The following ZC3H4 variants were observed in gnomAD, a reference collection of about 807,000 sequenced individuals.
ZC3H4 encodes the protein zinc finger CCCH-type containing 4.
ZC3H4 carries 13 observed loss-of-function variants against 108.3 expected under a neutral mutation model. The observed-to-expected ratio is 0.12, with a 90% CI of 0.08 to 0.19. ZC3H4 has a LOEUF of 0.19. Ranked by LOEUF, ZC3H4 falls within the 10% of genes least tolerant of loss-of-function variation. The pLI is 1.00. For missense variants in ZC3H4, 1,734 were observed against 1,838.8 expected (o/e 0.94, Z 1.04); for synonymous variants, 917 against 749.6 (o/e 1.22, Z -3.65).
intron 3 of ZC3H4, 51 bp from the exon 4 acceptor site, chr19:47,094,131 C>T (rs573277749): frequency 2.6e-5 from 40 of 1,559,334 alleles, no homozygotes; most frequent in East Asian, 4.5e-5. Context: ...GCAGGCCACT[C>T]GGGCACAGTC....
Position 47,066,081 on chromosome 19 carries a change from C to T in ZC3H4, c.*275G>A, listed in dbSNP as rs558510371. On this transcript the variant is annotated 3_prime_UTR_variant, in exon 15 of 15. Transcript: ENST00000253048. ...CACAGAGTCTGAGGCCAGGCACTGG[C>T]GAAAGTTCACAGGTTTGCGGGCATG... The T allele has an allele frequency of 6.3e-5, 20 of 316,518 alleles. No homozygotes were observed. Among genetic ancestry groups the T allele is most frequent in the East Asian group, 1.0e-4 (2 of 19,194 alleles). The allele number at this position is 316,518 out of a possible 1,614,324, so 19.6% of individuals were successfully genotyped here. A position where few individuals can be genotyped will look rare whatever the true frequency, so the allele number is the denominator to read the frequency against.
Position 47,067,370 on chromosome 19 carries a change from C to G in ZC3H4, c.2898G>C (p.Val966=). 6.2e-7 allele frequency: 1 copy of G among 1,607,832 alleles called. No individual in the cohort carries two copies. The highest frequency in any genetic ancestry group is 8.5e-7 in the Non-Finnish European group (1 of 1,176,658). Residue 966 remains valine, a synonymous_variant, in exon 15 of 15, where the codon GTG becomes GTC. Transcript: ENST00000253048. The surrounding 1 kb of genome is among the most constrained non-coding windows in gnomAD (Gnocchi z 6.4). ...GGGCGAAGCTGGGCTTGCTCAGGGT[C>G]ACGTCCTTCTTGATGTGGCTGAACT... The part of the protein sequence containing the change: ...LQQFSHIKKD[V]TLSKPSFART...
chr19:47,078,649 C>T (rs1407203960), intron 11 of ZC3H4, among the ~76,000 whole-genome samples: 1 of 152,090 alleles, frequency 6.6e-6, no homozygotes, highest in Admixed American at 6.5e-5. Flanking sequence ...CAAAACTAAT[C>T]ACGAATTTGA....
intron 8 of ZC3H4, 68 bp from the exon 9 acceptor site, chr19:47,084,523 T>G: frequency 1.3e-6 from 2 of 1,498,466 alleles, no homozygotes; most frequent in South Asian, 1.1e-5. Context: ...TCGGGGTTAA[T>G]AAGAAGCACG....
chr19:47,082,827 G>A (rs74854711), intron 9 of ZC3H4, among the ~76,000 whole-genome samples: 4,120 of 152,268 alleles, frequency 0.027, 86 homozygotes, highest in Non-Finnish European at 0.04. Context: ...CAGACTCCTG[G>A]TTCTGAGAGA....
At chr19:47,070,615 C>T (rs970920568) in intron 13 of ZC3H4, among the ~76,000 whole-genome samples, 2 of 152,110 alleles carry the variant, frequency 1.3e-5, no homozygotes, top group African/African-American at 4.8e-5. Flanking sequence ...GCCTGTTTTT[C>T]TCGTCTTTCT....
At position 47,067,172 on chromosome 19, in the gene ZC3H4, A is replaced by C. The variant is rs561989848; in HGVS notation, c.3096T>G (p.Asp1032Glu). 5.0e-6 allele frequency: 8 copies of C among 1,611,484 alleles called. No individual in the cohort carries two copies. In the East Asian group the frequency reaches 1.8e-4, roughly 36 times the overall value. The change falls in exon 15 of 15, where the codon GAT becomes GAG. Residue 1032 changes from aspartate (D) to glutamate (E), a missense_variant. Physicochemically the swap from Asp to Glu is conservative, Grantham distance 45 (BLOSUM62 2). Coordinates refer to ENST00000253048, the MANE Select transcript of ZC3H4 (RefSeq NM_015168.2). This position sits in a 1 kb window ranked among gnomAD's most constrained non-coding sequence, Gnocchi z 6.4. ...NARQRPGAST[D>E]SSTQGANLPD... ...GGAGGTTGGCGCCCTGTGTGCTGGA[A>C]TCCGTGGAGGCGCCCGGGCGCTGCC...
intron 2 of ZC3H4, 75 bp downstream of exon 2, chr19:47,112,349 T>A (rs985480630): frequency 8.3e-7 from 1 of 1,207,932 alleles, no homozygotes; most frequent in African/African-American, 1.6e-5. Context: ...CGGCCCAACA[T>A]GGCGGCCGCC....
At chr19:47,110,180 A>C (rs2058019965) in intron 2 of ZC3H4, among the ~76,000 whole-genome samples, 1 of 152,170 alleles carries the variant, frequency 6.6e-6, no homozygotes, top group South Asian at 2.1e-4. Flanking sequence ...TAAAATGAGA[A>C]AATTGGAGCT....
In ZC3H4 at chr19:47,072,163, A is replaced by AGGG. The variant is rs780753069; in HGVS notation, c.1803-45_1803-43dup. On this transcript the variant is annotated intron_variant, in intron 12 of 14. Coordinates refer to ENST00000253048, the MANE Select transcript of ZC3H4 (RefSeq NM_015168.2). This position sits in a 1 kb window ranked among gnomAD's most constrained non-coding sequence, Gnocchi z 5.6. ...GTGCCTGTGACGGAAGCTGCCGAGGAGGGCAGTGGCCACACCCCAGAGGAG... is the reference window on the plus strand; with the variant it reads ...GTGCCTGTGACGGAAGCTGCCGAGGAGGGGGGCAGTGGCCACACCCCAGAGGAG... 14 of 1,481,200 alleles carry AGGG rather than the reference A, an allele frequency of 9.5e-6. No homozygotes were observed. The African/African-American group carries it at 1.7e-4, about 18-fold the overall frequency. The allele number at this position is 1,481,200 out of a possible 1,614,324, so 91.8% of individuals were successfully genotyped here. A position where few individuals can be genotyped will look rare whatever the true frequency, so the allele number is the denominator to read the frequency against.
At chr19:47,075,424 C>T (rs745340025) in intron 11 of ZC3H4, among the ~76,000 whole-genome samples, 5 of 152,066 alleles carry the variant, frequency 3.3e-5, no homozygotes, top group African/African-American at 7.2e-5. Flanking sequence ...CCATGGCTTG[C>T]GCTGCAGCTG....
intron 9 of ZC3H4, among the ~76,000 whole-genome samples, chr19:47,082,920 G>A (rs1448146423): frequency 6.6e-6 from 1 of 152,116 alleles, no homozygotes; most frequent in East Asian, 1.9e-4. Context: ...CAATACCTAG[G>A]TGAAATCCAG....
intron 13 of ZC3H4, among the ~76,000 whole-genome samples, chr19:47,069,596 T>C (rs1332413960): frequency 2.0e-5 from 3 of 152,090 alleles, no homozygotes; most frequent in African/African-American, 7.2e-5. Context: ...GGATGGAACA[T>C]TGGATGTACG....
rs371115381 is a variant in ZC3H4 at position 47,066,556 on chromosome 19, G to A, written c.3712C>T (p.Pro1238Ser). 1 of 1,576,208 alleles carries A rather than the reference G, an allele frequency of 6.3e-7. No homozygotes were observed. Among genetic ancestry groups the A allele is most frequent in the Non-Finnish European group, 8.6e-7 (1 of 1,161,076 alleles). ...CCGGGCTGGGGTGGGGCACCCTCGGGGGGTGGGGTGGCGGTGGTGGCAGCG... is the reference window on the plus strand; with the variant it reads ...CCGGGCTGGGGTGGGGCACCCTCGGAGGGTGGGGTGGCGGTGGTGGCAGCG... The part of the protein sequence containing the change: ...APAATTATPP[P>S]EGAPPQPGVH... Residue 1238 changes from proline to serine, a missense_variant, in exon 15 of 15, where the codon CCC becomes TCC. Pro to Ser is a moderately conservative substitution (Grantham distance 74). This residue lies in a region of ZC3H4 where 518 missense variants were observed against 499.6 expected (regional missense o/e 1.04). Transcript: ENST00000253048.
chr19:47,085,407 T>A lies in ZC3H4; in HGVS notation c.878A>T (p.Glu293Val). Residue 293 changes from glutamate (E) to valine (V), a missense_variant, in exon 7 of 15, where the codon GAG (glutamate) becomes GTG (valine). Physicochemically the swap from Glu to Val is moderately radical, Grantham distance 121. Coordinates refer to ENST00000253048, the MANE Select transcript of ZC3H4 (RefSeq NM_015168.2). ...GTCGTCTCCCATTGGCTCCTCACTC[T>A]CTCCATACTGGAATGCGCAGAGGAG... ...DFYEEEMDYG[E>V]SEEPMGDDDY... 1 of 1,589,900 alleles carries A rather than the reference T, an allele frequency of 6.3e-7. No individual in the cohort carries two copies. Among genetic ancestry groups the A allele is most frequent in the Non-Finnish European group, 8.6e-7 (1 of 1,169,018 alleles).
chr19:47,112,567 C>T lies in ZC3H4; in HGVS notation c.18G>A (p.Gly6=). Residue 6 remains glycine (G), a synonymous_variant, in exon 2 of 15, where the codon GGG becomes GGA. Coordinates refer to ENST00000253048, the MANE Select transcript of ZC3H4 (RefSeq NM_015168.2). The part of the protein sequence containing the change: MEAAP[G]TPPPPPSESP... ...ACTCTGATGGCGGCGGCGGGGGGGT[C>T]CCGGGCGCGGCCTCCATAGTTCCTT... is the stretch of plus-strand genomic sequence containing the variant. 1.8e-6 allele frequency: 2 copies of T among 1,113,978 alleles called. No homozygotes were observed. Among genetic ancestry groups the T allele is most frequent in the Middle Eastern group, 3.3e-4 (1 of 3,028 alleles). The allele number at this position is 1,113,978 out of a possible 1,614,324, so 69.0% of individuals were successfully genotyped here.
intron 2 of ZC3H4, among the ~76,000 whole-genome samples, chr19:47,095,549 G>A (rs966015449): frequency 7.9e-5 from 12 of 152,012 alleles, no homozygotes; most frequent in South Asian, 4.1e-4. Context: ...CAATTCCCCC[G>A]TGTCACCCCA....
intron 11 of ZC3H4, among the ~76,000 whole-genome samples, chr19:47,079,109 A>G (rs2057474857): frequency 1.4e-5 from 2 of 146,594 alleles, no homozygotes; most frequent in South Asian, 4.5e-4. Flanking sequence ...AGCTCACCGC[A>G]ACCACCGCCT....
In ZC3H4 at chr19:47,066,876, A is replaced by C; in HGVS notation, c.3392T>G (p.Leu1131Arg). ...CTGCCCGCCCCCTCCGCCCTGGCCC[A>C]GTCCACCGGCCGCCAGCACGCGGGG... ...YDPRVLAAGG[L>R]GQGGGGGQSS... The change falls in exon 15 of 15, where the codon CTG becomes CGG. Residue 1131 changes from leucine to arginine, a missense_variant. This residue lies in a region of ZC3H4 where 518 missense variants were observed against 499.6 expected (regional missense o/e 1.04). Transcript: ENST00000253048. The C allele has an allele frequency of 6.3e-7, 1 of 1,598,428 alleles. No homozygotes were observed. The highest frequency in any genetic ancestry group is 8.5e-7 in the Non-Finnish European group (1 of 1,178,822).
Sources: allele counts gnomAD v4.1 joint callset (sites outside exome capture counted in the v4.1 genomes callset), GRCh38; gene constraint gnomAD v4.1.1; regional missense constraint gnomAD v4.1.1; non-coding constraint Gnocchi (gnomAD v3.1); transcripts MANE v1.5; gene names NCBI Gene and HGNC (gene_info 2026-07-23, HGNC 2026-07-21).